Variants in VAV2 observed in about 807,000 individuals in gnomAD.
The protein encoded by VAV2 is guanine nucleotide exchange factor VAV2.
A neutral mutation model predicts 132.5 loss-of-function variants in VAV2; 67 were observed. The observed-to-expected ratio is 0.51, with a 90% confidence interval of 0.42 to 0.62. The LOEUF (loss-of-function observed/expected upper bound fraction) is 0.62, where lower values mean the gene tolerates loss of function less well. Ranked by LOEUF, VAV2 falls within the 20% of genes least tolerant of loss-of-function variation. The probability of loss-of-function intolerance (pLI) is 0.00; values close to 1 mark genes in which losing one functional copy is unlikely to be tolerated. For missense variants in VAV2, 938 were observed against 1,153.6 expected (o/e 0.81, Z 2.71); for synonymous variants, 492 against 443.5 (o/e 1.11, Z -1.37).
At chr9:133,870,106 G>A (rs1180674509) in intron 2 of VAV2, among the ~76,000 whole-genome samples, 1 of 152,044 alleles carries the variant, frequency 6.6e-6, no homozygotes, top group Non-Finnish European at 1.5e-5. Flanking sequence ...TACAAAACAT[G>A]TGCAATCACA....
At chr9:133,841,382 A>T (rs1178910399) in intron 3 of VAV2, among the ~76,000 whole-genome samples, 1 of 151,968 alleles carries the variant, frequency 6.6e-6, no homozygotes, top group Non-Finnish European at 1.5e-5. Context: ...CTGCATATTG[A>T]GTGGACTCCA....
At chr9:133,792,558 G>A (rs1291521510) in intron 12 of VAV2, among the ~76,000 whole-genome samples, 3 of 150,160 alleles carry the variant, frequency 2.0e-5, no homozygotes, top group African/African-American at 7.4e-5. Context: ...AGGTTGTGCC[G>A]GGTGGGGTGT....
Position 133,840,408 on chromosome 9 carries a change from A to C in VAV2, c.381-6068T>G, listed in dbSNP as rs927819934. ...CCAATCCCACTCCCCAAGCTTCCTCAGCACCCACTCCCCACTCCTGCCCCT... is the reference window on the plus strand; with the variant it reads ...CCAATCCCACTCCCCAAGCTTCCTCCGCACCCACTCCCCACTCCTGCCCCT... On this transcript the variant is annotated intron_variant, in intron 3 of 29. Transcript: ENST00000371850. This position sits in a 1 kb window ranked among gnomAD's most constrained non-coding sequence, Gnocchi z 4.5. 3.3e-5 allele frequency among the ~76,000 whole-genome samples: 5 copies of C among 152,040 alleles called. No homozygotes were observed. The highest frequency in any genetic ancestry group is 7.4e-5 in the Non-Finnish European group (5 of 67,976).
At chr9:133,906,121 G>A (rs902482238) in intron 2 of VAV2, among the ~76,000 whole-genome samples, 13 of 152,278 alleles carry the variant, frequency 8.5e-5, no homozygotes, top group Admixed American at 4.6e-4. Context: ...TGGAGGTATC[G>A]GCAGTCCCCA....
chr9:133,877,198 G>C (rs1459663255), intron 2 of VAV2, among the ~76,000 whole-genome samples: 1 of 152,108 alleles, frequency 6.6e-6, no homozygotes, highest in East Asian at 1.9e-4. Flanking sequence ...CTGGCTGTAC[G>C]AGGAGAGGCT....
At chr9:133,887,085 C>CA (rs1426417339) in intron 2 of VAV2, among the ~76,000 whole-genome samples, 1 of 152,096 alleles carries the variant, frequency 6.6e-6, no homozygotes, top group African/African-American at 2.4e-5. Context: ...CAGCCCAACT[C>CA]AGAGGAGGGC....
At chr9:133,933,928 AATGG>A (rs1189970736) in intron 2 of VAV2, among the ~76,000 whole-genome samples, 15 of 14,450 alleles carry the variant, frequency 1.0e-3, no homozygotes, top group East Asian at 5.7e-3. Flanking sequence ...ATGATGGGTG[AATGG>A]ATGGATGGAT....
At chr9:133,872,891 T>G (rs971553232) in intron 2 of VAV2, among the ~76,000 whole-genome samples, 8 of 152,156 alleles carry the variant, frequency 5.3e-5, no homozygotes, top group Admixed American at 3.9e-4. Context: ...GGCAGGCAGA[T>G]CACTTGAAGC....
rs1305332967 is a variant in VAV2 at position 133,833,011 on chromosome 9, G to A, written c.449+1261C>T. 1.3e-5 allele frequency among the ~76,000 whole-genome samples: 2 copies of A among 152,080 alleles called. No homozygotes were observed. The highest frequency in any genetic ancestry group is 1.3e-4 in the Admixed American group (2 of 15,270). On this transcript the variant is annotated intron_variant, in intron 4 of 29. Coordinates refer to ENST00000371850, the MANE Select transcript of VAV2 (RefSeq NM_001134398.2). This position sits in a 1 kb window ranked among gnomAD's most constrained non-coding sequence, Gnocchi z 5.6. The stretch of plus-strand genomic sequence containing the variant: ...ACAACCCTCAGACCCACGTGGGGCC[G>A]ACCGGATGTCCAGAGGAGCTCTGGG...
chr9:133,955,268 T>C (rs919146043), intron 1 of VAV2, among the ~76,000 whole-genome samples: 43 of 151,928 alleles, frequency 2.8e-4, no homozygotes, highest in Non-Finnish European at 5.9e-4. Context: ...AACATAGTCA[T>C]GCCACCCTCC....
intron 2 of VAV2, among the ~76,000 whole-genome samples, chr9:133,907,233 T>C (rs951418485): frequency 2.5e-4 from 38 of 152,088 alleles, no homozygotes; most frequent in Admixed American, 5.9e-4. Flanking sequence ...CCTCGCTCCC[T>C]ACAGACCATC....
chr9:133,952,683 TAGAAG>T (rs1009394914), intron 1 of VAV2, among the ~76,000 whole-genome samples: 2 of 151,718 alleles, frequency 1.3e-5, no homozygotes, highest in Admixed American at 6.5e-5. Flanking sequence ...CAAGTGTCCC[TAGAAG>T]AGAAGACAGA....
intron 1 of VAV2, among the ~76,000 whole-genome samples, chr9:133,965,369 G>A (rs1417326330): frequency 6.6e-6 from 1 of 151,482 alleles, no homozygotes; most frequent in East Asian, 1.9e-4. Flanking sequence ...CATGATGATG[G>A]GAACCTATAG....
At chr9:133,806,039 CAGG>C in intron 9 of VAV2, 39 bp downstream of exon 9, 1 of 1,587,096 alleles carries the variant, frequency 6.3e-7, no homozygotes. Context: ...CTCCCGCAGA[CAGG>C]GAGGGGCCAA....
intron 1 of VAV2, among the ~76,000 whole-genome samples, chr9:133,973,153 C>G (rs1842395346): frequency 6.6e-6 from 1 of 152,018 alleles, no homozygotes; most frequent in African/African-American, 2.4e-5. Context: ...TCCATGGGCA[C>G]AGGGGATCTG....
chr9:133,783,435 G>A, intron 19 of VAV2, 68 bp downstream of exon 19: 1 of 1,496,144 alleles, frequency 6.7e-7, no homozygotes, highest in South Asian at 1.1e-5. Context: ...CCCGTACCCA[G>A]GTGGTAGGGG....
At chr9:133,831,812 G>A (rs761644784) in intron 4 of VAV2, among the ~76,000 whole-genome samples, 2 of 152,234 alleles carry the variant, frequency 1.3e-5, no homozygotes, top group African/African-American at 2.4e-5. Context: ...CCCAGGCTCT[G>A]GGGGGCACAG....
At chr9:133,825,029 G>A (rs1835930084) in intron 4 of VAV2, among the ~76,000 whole-genome samples, 1 of 152,226 alleles carries the variant, frequency 6.6e-6, no homozygotes, top group African/African-American at 2.4e-5. Context: ...GAGACCCTTG[G>A]CAGCATTTGA....
chr9:133,900,037 T>TA (rs1839378973), intron 2 of VAV2, among the ~76,000 whole-genome samples: 2 of 129,182 alleles, frequency 1.5e-5, no homozygotes, highest in Non-Finnish European at 3.4e-5. Flanking sequence ...AATAAATAAA[T>TA]AAATAAATAA....
Sources: allele counts gnomAD v4.1 joint callset (sites outside exome capture counted in the v4.1 genomes callset), GRCh38; gene constraint gnomAD v4.1.1; non-coding constraint Gnocchi (gnomAD v3.1); transcripts MANE v1.5; gene names NCBI Gene and HGNC (gene_info 2026-07-23, HGNC 2026-07-21).